Variants in SYT9 observed in about 807,000 individuals in gnomAD.
SYT9 encodes the protein synaptotagmin-9.
A neutral mutation model predicts 48.4 loss-of-function variants in SYT9; 22 were observed. The ratio of observed to expected loss-of-function variants is 0.45; its 90% CI spans 0.32 to 0.65. SYT9 has a LOEUF of 0.65. Among genes scored for constraint, SYT9 ranks in the 30% least tolerant of loss-of-function variants. The probability of loss-of-function intolerance (pLI) is 0.03; values close to 1 mark genes in which losing one functional copy is unlikely to be tolerated. For synonymous variants in SYT9, 265 were observed against 245.0 expected, an observed-to-expected ratio of 1.08 and a Z score of -0.76; for missense variants, 577 against 622.0, an observed-to-expected ratio of 0.93 and a Z score of 0.77.
At position 7,303,317 on chromosome 11, in the gene SYT9, A is replaced by G; in HGVS notation, c.424A>G (p.Thr142Ala). ...CCCTGACATTCCCCTCTCCACCCAG[A>G]CGGGGATCCAGGAGAACTGTGCCCA... ...TSPDIPLSTQ[T>A]GIQENCAHGV... Residue 142 changes from threonine (T) to alanine (A), a missense_variant, in exon 2 of 7, where the codon ACG (threonine) becomes GCG (alanine). By Grantham distance (58) the Thr-to-Ala change is moderately conservative (BLOSUM62 0). Coordinates refer to ENST00000318881, the MANE Select transcript of SYT9 (RefSeq NM_175733.4). 6.2e-7 allele frequency: 1 copy of G among 1,613,876 alleles called. No homozygotes were observed. The highest frequency in any genetic ancestry group is 8.5e-7 in the Non-Finnish European group (1 of 1,180,014).
intron 3 of SYT9, among the ~76,000 whole-genome samples, chr11:7,330,253 T>C (rs1037781383): frequency 6.6e-5 from 10 of 152,166 alleles, no homozygotes; most frequent in African/African-American, 2.2e-4. Flanking sequence ...CACAATAGCA[T>C]GGATGGATAT....
chr11:7,280,742 G>A (rs1589910152), intron 1 of SYT9, among the ~76,000 whole-genome samples: 1 of 148,078 alleles, frequency 6.8e-6, no homozygotes, highest in South Asian at 2.1e-4. Flanking sequence ...TGGAGAAGAA[G>A]GGATACTATA....
intron 6 of SYT9, among the ~76,000 whole-genome samples, chr11:7,461,886 G>T (rs1448621994): frequency 1.3e-5 from 2 of 152,076 alleles, no homozygotes; most frequent in Non-Finnish European, 2.9e-5. Context: ...CTTCTGAATG[G>T]TGCCTTCACT....
In SYT9 at chr11:7,252,103, C is replaced by G. The variant is rs983133208; in HGVS notation, c.-84C>G. 2.1e-5 allele frequency: 28 copies of G among 1,309,848 alleles called. No individual in the cohort carries two copies. The highest frequency in any genetic ancestry group is 2.9e-4 in the Middle Eastern group (1 of 3,476). 81.1% of individuals were successfully genotyped at this position (1,309,848 alleles called of 1,614,324 possible). ...TCCCTGGCGGTGAGCGCGGACGGCCCGGAGGCGGCGGCTCTGAGCTGGCAG... is the reference window on the plus strand; with the variant it reads ...TCCCTGGCGGTGAGCGCGGACGGCCGGGAGGCGGCGGCTCTGAGCTGGCAG... On this transcript the variant is annotated 5_prime_UTR_variant, in exon 1 of 7. Transcript: ENST00000318881. This position sits in a 1 kb window ranked among gnomAD's most constrained non-coding sequence, Gnocchi z 6.3.
At chr11:7,382,259 G>A (rs1291116302) in intron 3 of SYT9, among the ~76,000 whole-genome samples, 1 of 152,074 alleles carries the variant, frequency 6.6e-6, no homozygotes, top group African/African-American at 2.4e-5. Flanking sequence ...GAGAGATGGT[G>A]GTATCTTAAG....
chr11:7,394,927 G>A (rs918479012), intron 3 of SYT9, among the ~76,000 whole-genome samples: 1 of 152,000 alleles, frequency 6.6e-6, no homozygotes, highest in Non-Finnish European at 1.5e-5. Context: ...TAATTTCAAT[G>A]TTTACCCAAA....
chr11:7,306,018 T>G (rs1196956682), intron 2 of SYT9, among the ~76,000 whole-genome samples: 1 of 152,226 alleles, frequency 6.6e-6, no homozygotes, highest in Non-Finnish European at 1.5e-5. Context: ...AATGACTTTC[T>G]GTTGTTCTTT....
intron 3 of SYT9, among the ~76,000 whole-genome samples, chr11:7,346,827 A>G (rs1241770101): frequency 6.6e-6 from 1 of 152,238 alleles, no homozygotes; most frequent in Non-Finnish European, 1.5e-5. Context: ...CCTCTGCCCT[A>G]AAGTAACCAC....
intron 3 of SYT9, among the ~76,000 whole-genome samples, chr11:7,340,574 G>C (rs1849695500): frequency 3.9e-5 from 6 of 152,204 alleles, no homozygotes; most frequent in Admixed American, 3.9e-4. Flanking sequence ...AGATCAGGCA[G>C]CCCTAACCAG....
chr11:7,468,178 G>C lies in SYT9; in HGVS notation c.*1378G>C. ...TTACAGCAGAATCCAGAGTTGGATT[G>C]TAGTTTACCTTCCTGGAAAGCTCAT... On this transcript the variant is annotated 3_prime_UTR_variant, in exon 7 of 7. Coordinates refer to ENST00000318881, the MANE Select transcript of SYT9 (RefSeq NM_175733.4). The C allele has an allele frequency of 2.5e-6, 1 of 398,380 alleles. No homozygotes were observed. Among genetic ancestry groups the C allele is most frequent in the Non-Finnish European group, 4.4e-6 (1 of 225,882 alleles). 24.7% of individuals were successfully genotyped at this position (398,380 alleles called of 1,614,324 possible). A position where few individuals can be genotyped will look rare whatever the true frequency, so the allele number is the denominator to read the frequency against.
chr11:7,330,067 A>T lies in SYT9; in HGVS notation c.1044+16126A>T, dbSNP rs559681198. 1.3e-4 allele frequency among the ~76,000 whole-genome samples: 20 copies of T among 150,538 alleles called. No homozygotes were observed. In the South Asian group the frequency reaches 1.9e-3, roughly 14 times the overall value. On this transcript the variant is annotated intron_variant, in intron 3 of 6. Coordinates refer to ENST00000318881, the MANE Select transcript of SYT9 (RefSeq NM_175733.4). ...AAGAGAAATTAAAACATGCTTATTTAAAAAAAAACTCTCCATGAACCTATA... is the reference window on the plus strand; with the variant it reads ...AAGAGAAATTAAAACATGCTTATTTTAAAAAAAACTCTCCATGAACCTATA...
intron 3 of SYT9, among the ~76,000 whole-genome samples, chr11:7,343,338 G>A (rs563734491): frequency 3.0e-4 from 45 of 152,208 alleles, no homozygotes; most frequent in African/African-American, 1.1e-3. Context: ...AGCAGCACCC[G>A]AGTCACCTCT....
At chr11:7,395,464 A>T (rs1846734172) in intron 3 of SYT9, among the ~76,000 whole-genome samples, 1 of 152,072 alleles carries the variant, frequency 6.6e-6, no homozygotes, top group Admixed American at 6.6e-5. Flanking sequence ...GTTTCCCACT[A>T]TTATTGTGTG....
At chr11:7,397,889 C>G (rs887449655) in intron 3 of SYT9, among the ~76,000 whole-genome samples, 5 of 152,058 alleles carry the variant, frequency 3.3e-5, no homozygotes, top group African/African-American at 1.2e-4. Flanking sequence ...ATTTATATTT[C>G]TAAGGATTTT....
chr11:7,387,984 C>T (rs1850693114), intron 3 of SYT9, among the ~76,000 whole-genome samples: 1 of 152,068 alleles, frequency 6.6e-6, no homozygotes, highest in Non-Finnish European at 1.5e-5. Context: ...ATGGCCTTTT[C>T]AGCTTTTAGT....
chr11:7,429,301 C>T (rs1847522486), intron 6 of SYT9, among the ~76,000 whole-genome samples: 1 of 152,192 alleles, frequency 6.6e-6, no homozygotes, highest in South Asian at 2.1e-4. Context: ...TATTATAAAA[C>T]ATTTGGTGTG....
At chr11:7,258,278 A>T (rs1564838604) in intron 1 of SYT9, among the ~76,000 whole-genome samples, 1 of 152,232 alleles carries the variant, frequency 6.6e-6, no homozygotes, top group Non-Finnish European at 1.5e-5. Flanking sequence ...CACTTTTAAA[A>T]GGACAAGTAT....
At chr11:7,247,608 C>CGTGT (rs1452324851), upstream of SYT9, among the ~76,000 whole-genome samples, 1 of 143,070 alleles carries the variant, frequency 7.0e-6, no homozygotes, top group African/African-American at 2.6e-5. Context: ...CGTATATATA[C>CGTGT]ATATATACGT....
At chr11:7,408,088 T>C (rs969439894) in intron 3 of SYT9, among the ~76,000 whole-genome samples, 10 of 152,208 alleles carry the variant, frequency 6.6e-5, no homozygotes, top group African/African-American at 2.4e-4. Flanking sequence ...TTGATAGAGA[T>C]TGCATTAAGT....
Sources: gnomAD v4.1 joint callset for allele counts (sites outside exome capture counted in the v4.1 genomes callset) on GRCh38, gnomAD v4.1.1 for gene constraint, Gnocchi (gnomAD v3.1) non-coding constraint, MANE v1.5 for transcripts, NCBI Gene and HGNC (gene_info 2026-07-23, HGNC 2026-07-21) for gene names.